Variants in GALNTL6 observed in about 807,000 individuals in gnomAD.
GALNTL6 encodes the protein polypeptide N-acetylgalactosaminyltransferase like 6.
A neutral mutation model predicts 73.7 loss-of-function variants in GALNTL6; 46 were observed. The ratio of observed to expected loss-of-function variants is 0.62; its 90% CI spans 0.49 to 0.80. GALNTL6 has a LOEUF of 0.80. Ranked by LOEUF, GALNTL6 falls within the 30% of genes least tolerant of loss-of-function variation. GALNTL6 has a pLI of 0.00. For synonymous variants in GALNTL6, 259 were observed against 263.7 expected (o/e 0.98, Z 0.17); for missense variants, 604 against 755.0 (o/e 0.80, Z 2.34).
intron 2 of GALNTL6, among the ~76,000 whole-genome samples, chr4:171,899,367 T>C (rs913861524): frequency 6.6e-6 from 1 of 152,146 alleles, no homozygotes; most frequent in African/African-American, 2.4e-5. Context: ...GAGTTTATTC[T>C]ATATTGGTGA....
At chr4:173,033,859 T>C (rs1195606975) in intron 12 of GALNTL6, among the ~76,000 whole-genome samples, 1 of 152,150 alleles carries the variant, frequency 6.6e-6, no homozygotes, top group Non-Finnish European at 1.5e-5. Context: ...TCTACTTACA[T>C]GGAAATTGAT....
intron 5 of GALNTL6, among the ~76,000 whole-genome samples, chr4:172,354,268 A>G (rs2111226310): frequency 6.6e-6 from 1 of 152,290 alleles, no homozygotes; most frequent in East Asian, 1.9e-4. Context: ...CGTATTTAAA[A>G]TGGTGAGGAT....
intron 2 of GALNTL6, among the ~76,000 whole-genome samples, chr4:171,860,326 T>C (rs1263142799): frequency 6.6e-6 from 1 of 152,214 alleles, no homozygotes; most frequent in Non-Finnish European, 1.5e-5. Flanking sequence ...TTTATAGTCT[T>C]GCTCTACTCC....
intron 2 of GALNTL6, chr4:172,052,648 C>T (rs1358840344): frequency 1.7e-6 from 1 of 590,384 alleles, no homozygotes; most frequent in Non-Finnish European, 2.9e-6. Context: ...ACCATCATCT[C>T]TTTCTTTTGT....
At position 171,827,925 on chromosome 4, in the gene GALNTL6, A is replaced by G. The variant is rs144069916; in HGVS notation, c.138+13207A>G. On this transcript the variant is annotated intron_variant, in intron 2 of 12. Transcript: ENST00000506823. ...CAGAAAATTTGAAAAAAGCTTGCAG[A>G]CAAACCATGTAGTCTAGTAATATAA... Among the ~76,000 whole-genome samples, 417 of 152,290 alleles carry G rather than the reference A, an allele frequency of 2.7e-3. 1 individual carries two copies. The highest frequency in any genetic ancestry group is 9.0e-3 in the African/African-American group (376 of 41,560).
Position 171,972,668 on chromosome 4 carries a change from T to C in GALNTL6, c.138+157950T>C, listed in dbSNP as rs180881278. 1.0e-3 allele frequency among the ~76,000 whole-genome samples: 155 copies of C among 152,234 alleles called. 1 individual carries two copies. Among genetic ancestry groups the C allele is most frequent in the East Asian group, 1.2e-3 (6 of 5,190 alleles). On this transcript the variant is annotated intron_variant, in intron 2 of 12. Transcript: ENST00000506823. ...TATTAGTGGTTTGGATTTAGGTATA[T>C]TTGGACTTGAACTAGCAATGTGAGT... is the stretch of plus-strand genomic sequence containing the variant.
At chr4:172,137,684 A>G (rs1295764964) in intron 2 of GALNTL6, among the ~76,000 whole-genome samples, 1 of 152,184 alleles carries the variant, frequency 6.6e-6, no homozygotes, top group Non-Finnish European at 1.5e-5. Context: ...GTAGGTAAGA[A>G]ACCACAATGG....
At chr4:172,936,272 A>T (rs1748613974) in intron 9 of GALNTL6, among the ~76,000 whole-genome samples, 1 of 152,210 alleles carries the variant, frequency 6.6e-6, no homozygotes, top group Non-Finnish European at 1.5e-5. Context: ...GTATCGATGG[A>T]ACGTATCTCA....
At chr4:171,904,622 C>G (rs1053767347) in intron 2 of GALNTL6, among the ~76,000 whole-genome samples, 4 of 152,066 alleles carry the variant, frequency 2.6e-5, no homozygotes, top group Admixed American at 1.3e-4. Context: ...GGCCAACATT[C>G]AGATTCAGGA....
intron 5 of GALNTL6, among the ~76,000 whole-genome samples, chr4:172,653,895 C>T (rs1730835254): frequency 6.6e-6 from 1 of 152,208 alleles, no homozygotes; most frequent in South Asian, 2.1e-4. Flanking sequence ...ACCTTGTTTT[C>T]CACCACAGAG....
chr4:172,731,886 A>G lies in GALNTL6; in HGVS notation c.554-77475A>G, dbSNP rs540627072. 3.3e-5 allele frequency among the ~76,000 whole-genome samples: 5 copies of G among 152,098 alleles called. No individual in the cohort carries two copies. The South Asian group carries it at 8.3e-4, about 25-fold the overall frequency. ...TGTTTTTTATTTCTAGTTGTATTTCATATTTTTCAGAGAAAATACTTGATA... is the reference window on the plus strand; with the variant it reads ...TGTTTTTTATTTCTAGTTGTATTTCGTATTTTTCAGAGAAAATACTTGATA... On this transcript the variant is annotated intron_variant, in intron 5 of 12. Transcript: ENST00000506823.
In GALNTL6 at chr4:172,162,394, CA is replaced by C. The variant is rs1461072686; in HGVS notation, c.139-67261del. 4.6e-5 allele frequency among the ~76,000 whole-genome samples: 7 copies of C among 151,868 alleles called. No homozygotes were observed. In the South Asian group the frequency reaches 1.2e-3, roughly 27 times the overall value. The stretch of plus-strand genomic sequence containing the variant: ...CATAGGATGCCAGAAACTTCTAGAG[CA>C]TTAATGTAAGGAGGATATTACAGTA... On this transcript the variant is annotated intron_variant, in intron 2 of 12. Transcript: ENST00000506823.
intron 2 of GALNTL6, among the ~76,000 whole-genome samples, chr4:171,974,348 A>G (rs2111069380): frequency 6.6e-6 from 1 of 152,308 alleles, no homozygotes; most frequent in East Asian, 1.9e-4. Flanking sequence ...CCACCATAGC[A>G]GCTGAAGTCG....
intron 10 of GALNTL6, among the ~76,000 whole-genome samples, chr4:172,983,365 C>T (rs934579642): frequency 6.6e-6 from 1 of 152,288 alleles, no homozygotes; most frequent in Non-Finnish European, 1.5e-5. Flanking sequence ...GTTCCAGCAG[C>T]CACAGGAAAC....
chr4:172,418,324 T>C (rs1044916811), intron 5 of GALNTL6, among the ~76,000 whole-genome samples: 3 of 152,176 alleles, frequency 2.0e-5, no homozygotes, highest in African/African-American at 7.2e-5. Flanking sequence ...TTCTCCTACA[T>C]TGATGTAGGG....
Position 172,348,701 on chromosome 4 carries a change from T to A in GALNTL6, c.553+12T>A. On this transcript the variant is annotated intron_variant, in intron 5 of 12. Transcript: ENST00000506823. ...CTTCAGTGAGAGAGGTAAGATACAG[T>A]TGATAACATTTTATCTGATTCTGCT... 6.4e-7 allele frequency: 1 copy of A among 1,566,984 alleles called. No homozygotes were observed.
At chr4:172,947,815 C>T (rs13147310) in intron 9 of GALNTL6, among the ~76,000 whole-genome samples, 6,176 of 152,210 alleles carry the variant, frequency 0.041, 194 homozygotes, top group Non-Finnish European at 0.066. Flanking sequence ...GTGTGGTATG[C>T]GTGCTCCTAT....
At chr4:172,336,293 C>CTTT (rs1741321707) in intron 4 of GALNTL6, among the ~76,000 whole-genome samples, 1 of 38,344 alleles carries the variant, frequency 2.6e-5, no homozygotes, top group African/African-American at 1.0e-4. Flanking sequence ...TTTTTTTTGA[C>CTTT]TGAGTCTCAC....
intron 2 of GALNTL6, among the ~76,000 whole-genome samples, chr4:172,146,875 C>A (rs956982146): frequency 2.6e-5 from 4 of 152,166 alleles, no homozygotes; most frequent in Non-Finnish European, 4.4e-5. Flanking sequence ...TCAATAAGCA[C>A]ATATTAGCTA....
Sources: gnomAD v4.1 joint callset for allele counts (sites outside exome capture counted in the v4.1 genomes callset) on GRCh38, gnomAD v4.1.1 for gene constraint, MANE v1.5 for transcripts, NCBI Gene and HGNC (gene_info 2026-07-23, HGNC 2026-07-21) for gene names.